NLGN1: variants seen among roughly 807,000 people sequenced by gnomAD.
NLGN1 encodes the protein neuroligin 1.
A neutral mutation model predicts 65.5 loss-of-function variants in NLGN1; 12 were observed. That is an observed-to-expected ratio of 0.18 (90% CI 0.12 to 0.30). The LOEUF (loss-of-function observed/expected upper bound fraction) is 0.30. NLGN1 is among the 10% of genes least tolerant of loss of function. The pLI is 1.00. For missense variants in NLGN1, 750 were observed against 1,007.1 expected, an observed-to-expected ratio of 0.74 and a Z score of 3.46; for synonymous variants, 350 against 359.5, an observed-to-expected ratio of 0.97 and a Z score of 0.30.
chr3:173,903,106 C>T (rs751505888), intron 4 of NLGN1, among the ~76,000 whole-genome samples: 24 of 152,082 alleles, frequency 1.6e-4, no homozygotes, highest in Non-Finnish European at 3.2e-4. Context: ...GTGAAGTAAA[C>T]AGCAGACAGG....
At chr3:173,635,732 T>C (rs561178245) in intron 3 of NLGN1, among the ~76,000 whole-genome samples, 11 of 152,302 alleles carry the variant, frequency 7.2e-5, no homozygotes, top group African/African-American at 2.6e-4. Flanking sequence ...ATTAGAGGCA[T>C]ATTTTATATC....
intron 4 of NLGN1, among the ~76,000 whole-genome samples, chr3:174,198,472 A>G (rs1733859064): frequency 6.6e-6 from 1 of 152,188 alleles, no homozygotes; most frequent in Non-Finnish European, 1.5e-5. Flanking sequence ...CCAAGATGGG[A>G]GATTGCTGAA....
chr3:173,412,860 T>G (rs911083968), intron 1 of NLGN1, among the ~76,000 whole-genome samples: 3 of 152,174 alleles, frequency 2.0e-5, no homozygotes, highest in Non-Finnish European at 2.9e-5. Context: ...GTAATGGTAC[T>G]TTTTTGGCCT....
At chr3:173,818,895 C>CTTTTTTTTTTTTTTTTTTTTTTTTTTTTT (rs200212547) in intron 4 of NLGN1, among the ~76,000 whole-genome samples, 1 of 92,388 alleles carries the variant, frequency 1.1e-5, no homozygotes, top group Non-Finnish European at 2.0e-5. Flanking sequence ...TTGAATAGTT[C>CTTTTTTTTTTTTTTTTTTTTTTTTTTTTT]TTTTTTTTTT....
At chr3:173,602,039 C>G (rs1325925464) in intron 2 of NLGN1, among the ~76,000 whole-genome samples, 1 of 151,978 alleles carries the variant, frequency 6.6e-6, no homozygotes, top group Non-Finnish European at 1.5e-5. Flanking sequence ...GCCTTTAAAT[C>G]AGATAGCAAC....
intron 3 of NLGN1, chr3:173,644,331 A>G (rs185026726): frequency 1.3e-5 from 2 of 157,626 alleles, no homozygotes; most frequent in Admixed American, 1.3e-4. Flanking sequence ...GTCCATGATG[A>G]ACTTGAACTG....
chr3:173,604,820 G>T (rs1205984720), exon 3 of NLGN1: 4 of 1,613,594 alleles, frequency 2.5e-6, no homozygotes, highest in African/African-American at 1.3e-5. Flanking sequence ...ATGAAATTTT[G>T]GGGCCTGTTA....
intron 4 of NLGN1, among the ~76,000 whole-genome samples, chr3:173,964,594 G>A (rs140845233): frequency 1.3e-5 from 2 of 152,102 alleles, no homozygotes; most frequent in Non-Finnish European, 2.9e-5. Flanking sequence ...CTTTTATTGA[G>A]GTGAAGGCTA....
intron 3 of NLGN1, among the ~76,000 whole-genome samples, chr3:173,719,567 G>C (rs1770475409): frequency 6.6e-6 from 1 of 151,814 alleles, no homozygotes; most frequent in African/African-American, 2.4e-5. Flanking sequence ...GTGTTGCATA[G>C]TGGAATTAAG....
chr3:174,261,241 T>G (rs1746841029), intron 4 of NLGN1, among the ~76,000 whole-genome samples: 1 of 151,432 alleles, frequency 6.6e-6, no homozygotes, highest in East Asian at 2.0e-4. Context: ...GGTAGCTTTA[T>G]GGGGATGGCA....
intron 4 of NLGN1, among the ~76,000 whole-genome samples, chr3:174,132,767 A>G (rs1484475311): frequency 6.6e-6 from 1 of 152,210 alleles, no homozygotes; most frequent in African/African-American, 2.4e-5. Context: ...ATGATTGAGT[A>G]TGTCCCAGAT....
At chr3:174,281,468 A>G (rs1344289966) in exon 7 of NLGN1, 34 of 532,918 alleles carry the variant, frequency 6.4e-5, no homozygotes, top group Middle Eastern at 4.1e-4. Context: ...AATTGTATAT[A>G]TACAAATCAA....
chr3:173,657,273 T>C (rs973912288), intron 3 of NLGN1, among the ~76,000 whole-genome samples: 10 of 152,010 alleles, frequency 6.6e-5, no homozygotes. Flanking sequence ...TAGATTTGCC[T>C]TCCCCATTCT....
At chr3:174,104,024 G>A (rs1713162378) in intron 4 of NLGN1, among the ~76,000 whole-genome samples, 1 of 151,980 alleles carries the variant, frequency 6.6e-6, no homozygotes, top group South Asian at 2.1e-4. Flanking sequence ...ACCTCATAGA[G>A]TAATGATATT....
intron 4 of NLGN1, among the ~76,000 whole-genome samples, chr3:174,163,466 A>G (rs936811362): frequency 6.6e-6 from 1 of 151,992 alleles, no homozygotes; most frequent in African/African-American, 2.4e-5. Context: ...TCAGGGGTAC[A>G]TATACATGTT....
intron 2 of NLGN1, among the ~76,000 whole-genome samples, chr3:173,454,757 CT>C (rs1722232040): frequency 6.6e-6 from 1 of 152,184 alleles, no homozygotes; most frequent in Non-Finnish European, 1.5e-5. Flanking sequence ...CTGTTTTGAT[CT>C]TTTATCCAGA....
chr3:173,418,599 A>G (rs1393218624), intron 1 of NLGN1, among the ~76,000 whole-genome samples: 1 of 152,198 alleles, frequency 6.6e-6, no homozygotes, highest in Non-Finnish European at 1.5e-5. Context: ...TAATGATATA[A>G]AACTATAAAA....
At chr3:174,237,398 C>T (rs1255033123) in intron 4 of NLGN1, among the ~76,000 whole-genome samples, 2 of 152,184 alleles carry the variant, frequency 1.3e-5, no homozygotes, top group African/African-American at 4.8e-5. Flanking sequence ...CCTTTAATGA[C>T]ACCATTTTCC....
chr3:173,466,127 A>G (rs780484577), intron 2 of NLGN1, among the ~76,000 whole-genome samples: 1 of 152,230 alleles, frequency 6.6e-6, no homozygotes, highest in Non-Finnish European at 1.5e-5. Flanking sequence ...CAGGTTGTCT[A>G]GTAAAAAGAT....
Sources: allele counts gnomAD v4.1 joint callset (sites outside exome capture counted in the v4.1 genomes callset), GRCh38; gene constraint gnomAD v4.1.1; transcripts MANE v1.5; gene names NCBI Gene and HGNC (gene_info 2026-07-23, HGNC 2026-07-21).